The following PHF14 variants were observed in gnomAD, a reference collection of about 807,000 sequenced individuals.
PHF14 encodes PHD finger protein 14.
PHF14 carries 55 observed loss-of-function variants against 117.9 expected under a neutral mutation model. That is an observed-to-expected ratio of 0.47 (90% CI 0.38 to 0.58). The LOEUF (loss-of-function observed/expected upper bound fraction) is 0.58, where lower values mean the gene tolerates loss of function less well. PHF14 is among the 20% of genes least tolerant of loss of function. The pLI, the probability that PHF14 is intolerant of heterozygous loss-of-function variation, is 0.00. For synonymous variants in PHF14, 409 were observed against 368.6 expected (o/e 1.11, Z -1.26); for missense variants, 978 against 1,122.2 (o/e 0.87, Z 1.84).
At position 11,144,758 on chromosome 7, in the gene PHF14, GT is replaced by G. The variant is rs1788499354; in HGVS notation, c.2773-24657del. 4.6e-5 allele frequency among the ~76,000 whole-genome samples: 7 copies of G among 151,922 alleles called. No homozygotes were observed. The South Asian group carries it at 1.5e-3, about 32-fold the overall frequency. The stretch of plus-strand genomic sequence containing the variant: ...ACAAATGATAAATGTTTGTGGTGAT[GT>G]GGGGGGAAGAAAAGGAAGGAAAATC... On this transcript the variant is annotated intron_variant, in intron 17 of 17. Coordinates refer to ENST00000634607, the MANE Select transcript of PHF14 (RefSeq NM_001007157.2).
intron 14 of PHF14, among the ~76,000 whole-genome samples, chr7:11,057,787 CTT>C (rs1785069292): frequency 6.6e-6 from 1 of 152,074 alleles, no homozygotes. Flanking sequence ...TTAATCACCT[CTT>C]TTCAAGTAAG....
intron 12 of PHF14, 40 bp from the exon 13 acceptor site, chr7:11,042,643 A>T (rs774897186): frequency 4.2e-6 from 6 of 1,413,898 alleles, no homozygotes; most frequent in Non-Finnish European, 5.8e-6. Flanking sequence ...TCACTATGAT[A>T]ATTATTATTG....
intron 17 of PHF14, among the ~76,000 whole-genome samples, chr7:11,136,282 A>T (rs112552865): frequency 2.6e-5 from 4 of 151,920 alleles, no homozygotes; most frequent in Non-Finnish European, 4.4e-5. Flanking sequence ...TTTAATTATA[A>T]TTTTTTTTCA....
intron 10 of PHF14, among the ~76,000 whole-genome samples, chr7:11,038,543 A>G (rs918757102): frequency 4.0e-5 from 6 of 151,610 alleles, no homozygotes; most frequent in African/African-American, 1.5e-4. Context: ...CTGTAGTCCC[A>G]CCTACTCGGG....
chr7:11,034,177 A>G (rs558032645), intron 7 of PHF14, among the ~76,000 whole-genome samples: 7 of 151,346 alleles, frequency 4.6e-5, no homozygotes, highest in African/African-American at 1.2e-4. Flanking sequence ...TTCTGTTCTT[A>G]TATGTCTCTC....
intron 17 of PHF14, among the ~76,000 whole-genome samples, chr7:11,146,829 G>A (rs1788559305): frequency 6.6e-6 from 1 of 152,108 alleles, no homozygotes; most frequent in East Asian, 1.9e-4. Context: ...CAACGATGCA[G>A]CTTTTTTGGT....
chr7:11,162,123 C>A, intron 17 of PHF14, among the ~76,000 whole-genome samples: 1 of 100,802 alleles, frequency 9.9e-6, no homozygotes, highest in East Asian at 3.2e-4. Flanking sequence ...GAGCCTTGCT[C>A]TGTCTCCCAG....
chr7:11,097,813 G>C (rs941296683), intron 16 of PHF14, among the ~76,000 whole-genome samples: 2 of 152,080 alleles, frequency 1.3e-5, no homozygotes, highest in Non-Finnish European at 2.9e-5. Context: ...TCCAAATCTT[G>C]TTTGTCCCTT....
intron 16 of PHF14, among the ~76,000 whole-genome samples, chr7:11,073,904 G>A (rs1459437886): frequency 6.6e-6 from 1 of 152,174 alleles, no homozygotes; most frequent in East Asian, 1.9e-4. Context: ...GGTGATGTGA[G>A]CTGTACCTGG....
chr7:11,167,405 G>A (rs770509329), intron 17 of PHF14, among the ~76,000 whole-genome samples: 14 of 152,120 alleles, frequency 9.2e-5, no homozygotes, highest in East Asian at 5.8e-4. Flanking sequence ...CTTAATTTAC[G>A]ATAGTTAAGA....
chr7:10,996,132 G>C lies in PHF14; in HGVS notation c.1045+5285G>C, dbSNP rs1284391273. 7.2e-5 allele frequency among the ~76,000 whole-genome samples: 11 copies of C among 152,354 alleles called. No individual in the cohort carries two copies. In the East Asian group the frequency reaches 1.9e-3, roughly 27 times the overall value. ...AGCCATAACATGGCTTTTCAGCAGA[G>C]GATTAATATGGTTTGATTCATGTTT... On this transcript the variant is annotated intron_variant, in intron 4 of 17. Coordinates refer to ENST00000634607, the MANE Select transcript of PHF14 (RefSeq NM_001007157.2).
intron 16 of PHF14, among the ~76,000 whole-genome samples, chr7:11,097,704 C>T (rs1483982615): frequency 6.6e-6 from 1 of 152,176 alleles, no homozygotes. Context: ...TTTGCCTTCC[C>T]TTCACATTCT....
chr7:11,027,026 G>A (rs1346479831), intron 6 of PHF14, among the ~76,000 whole-genome samples: 1 of 152,062 alleles, frequency 6.6e-6, no homozygotes, highest in African/African-American at 2.4e-5. Flanking sequence ...CATTTTAAAT[G>A]ATTCAGGCGA....
At chr7:11,024,614 A>G (rs906486380) in intron 6 of PHF14, among the ~76,000 whole-genome samples, 25 of 152,182 alleles carry the variant, frequency 1.6e-4, no homozygotes, top group Non-Finnish European at 2.8e-4. Flanking sequence ...TGTTAAATCT[A>G]CTCTGCCTGT....
chr7:10,998,103 A>G (rs1037856070), intron 4 of PHF14, among the ~76,000 whole-genome samples: 1 of 152,280 alleles, frequency 6.6e-6, no homozygotes, highest in Middle Eastern at 3.4e-3. Context: ...AGGGGGAACA[A>G]TTGCTGGAAC....
chr7:11,127,089 C>T (rs1787948339), intron 17 of PHF14, among the ~76,000 whole-genome samples: 1 of 151,996 alleles, frequency 6.6e-6, no homozygotes, highest in African/African-American at 2.4e-5. Flanking sequence ...ACAGCTTTTC[C>T]AGTTACCTTT....
intron 4 of PHF14, among the ~76,000 whole-genome samples, chr7:10,999,622 A>G (rs1405462639): frequency 6.6e-6 from 1 of 152,196 alleles, no homozygotes; most frequent in African/African-American, 2.4e-5. Context: ...GATTTCTGTA[A>G]GGGCACAACA....
intron 16 of PHF14, chr7:11,106,916 C>G (rs949508339): frequency 8.1e-6 from 8 of 982,916 alleles, no homozygotes; most frequent in Non-Finnish European, 9.7e-6. Context: ...GTAAAATGTT[C>G]CATTGGCATA....
intron 17 of PHF14, among the ~76,000 whole-genome samples, chr7:11,138,287 C>T (rs1167130191): frequency 1.3e-5 from 2 of 151,806 alleles, no homozygotes; most frequent in African/African-American, 2.4e-5. Context: ...GTGATCCACC[C>T]GCCTCGGCCC....
Sources: gnomAD v4.1 joint callset for allele counts (sites outside exome capture counted in the v4.1 genomes callset) on GRCh38, gnomAD v4.1.1 for gene constraint, MANE v1.5 for transcripts, NCBI Gene and HGNC (gene_info 2026-07-23, HGNC 2026-07-21) for gene names.